The following CHST4 variants were observed in gnomAD, a reference collection of about 807,000 sequenced individuals.
CHST4 encodes GST-3.
For missense variants in CHST4, 466 were observed against 506.0 expected, an observed-to-expected ratio of 0.92 and a Z score of 0.76; for synonymous variants, 171 against 195.5, an observed-to-expected ratio of 0.87 and a Z score of 1.05.
chr16:71,529,909 A>C (rs774684743), intron 1 of CHST4, among the ~76,000 whole-genome samples: 1 of 152,178 alleles, frequency 6.6e-6, no homozygotes, highest in African/African-American at 2.4e-5. Context: ...GCACTTTGGC[A>C]GGCCGAGGCG....
chr16:71,538,110 A>G lies in CHST4; in HGVS notation c.*272A>G. 1 of 474,462 alleles carries G rather than the reference A, an allele frequency of 2.1e-6. No homozygotes were observed. Among genetic ancestry groups the G allele is most frequent in the Non-Finnish European group, 3.9e-6 (1 of 259,116 alleles). The allele number at this position is 474,462 out of a possible 1,614,324, so 29.4% of individuals were successfully genotyped here. Reference sequence around the variant, plus strand: ...TTTCTTGATCTTCCTGTCTGGGCAGACTTCAGAGACTTTGTGGCCTGGAGG... The same window carrying G: ...TTTCTTGATCTTCCTGTCTGGGCAGGCTTCAGAGACTTTGTGGCCTGGAGG... On this transcript the variant is annotated 3_prime_UTR_variant, in exon 2 of 2. Coordinates refer to ENST00000539698, the MANE Select transcript of CHST4 (RefSeq NM_001166395.2).
chr16:71,527,077 C>T (rs536829418), intron 1 of CHST4, among the ~76,000 whole-genome samples: 6 of 152,214 alleles, frequency 3.9e-5, no homozygotes, highest in Admixed American at 6.5e-5. Flanking sequence ...AATATCTAAC[C>T]GATCAGTATC....
chr16:71,526,878 G>A (rs1462777954), intron 1 of CHST4, among the ~76,000 whole-genome samples: 3 of 152,162 alleles, frequency 2.0e-5, no homozygotes, highest in African/African-American at 7.2e-5. Context: ...TGGAAGACAG[G>A]AGGTGCAAGG....
rs1403188231 is a variant in CHST4, at chr16:71,538,612, T to C, written c.*774T>C. ...CTAAGAATAGATGTAATCATCTTTA[T>C]TGGTTTTTTAAAACACCTTTGCTAT... On this transcript the variant is annotated 3_prime_UTR_variant, in exon 2 of 2. Coordinates refer to ENST00000539698, the MANE Select transcript of CHST4 (RefSeq NM_001166395.2). The C allele has an allele frequency of 1.8e-5, 3 of 166,842 alleles. No homozygotes were observed. The highest frequency in any genetic ancestry group is 1.9e-4 in the East Asian group (1 of 5,206). The allele number at this position is 166,842 out of a possible 1,614,324, so 10.3% of individuals were successfully genotyped here.
In CHST4 at chr16:71,537,299, C is replaced by G. The variant is rs778399782; in HGVS notation, c.622C>G (p.Arg208Gly). 6.2e-7 allele frequency: 1 copy of G among 1,614,176 alleles called. No homozygotes were observed. Among genetic ancestry groups the G allele is most frequent in the Admixed American group, 1.7e-5 (1 of 60,010 alleles). Residue 208 changes from arginine to glycine, a missense_variant, in exon 2 of 2, where the codon CGG becomes GGG. Physicochemically the swap from Arg to Gly is moderately radical, Grantham distance 125 (BLOSUM62 -2). Transcript: ENST00000539698. This position sits in a 1 kb window ranked among gnomAD's most constrained non-coding sequence, Gnocchi z 4.2. ...LHIVHLVRDPRAVFRSRERTK... is the reference protein window; with the variant it reads ...LHIVHLVRDPGAVFRSRERTK... ...TATCGTGCACCTGGTCCGGGACCCCCGGGCCGTGTTCCGTTCCCGAGAACG... is the reference window on the plus strand; with the variant it reads ...TATCGTGCACCTGGTCCGGGACCCCGGGGCCGTGTTCCGTTCCCGAGAACG...
At chr16:71,534,967 G>A (rs371279283) in intron 1 of CHST4, among the ~76,000 whole-genome samples, 2 of 152,304 alleles carry the variant, frequency 1.3e-5, no homozygotes, top group African/African-American at 2.4e-5. Context: ...ATGTGGGAAG[G>A]AGGTTAAAAT....
At chr16:71,530,807 G>A (rs553738822) in intron 1 of CHST4, among the ~76,000 whole-genome samples, 78 of 152,064 alleles carry the variant, frequency 5.1e-4, no homozygotes, top group South Asian at 1.2e-3. Flanking sequence ...TGGGCCAGGC[G>A]TGGTGGCTCA....
At chr16:71,529,865 G>A (rs1203014248) in intron 1 of CHST4, among the ~76,000 whole-genome samples, 1 of 152,146 alleles carries the variant, frequency 6.6e-6, no homozygotes, top group African/African-American at 2.4e-5. Context: ...TCTCAAGAGG[G>A]GGCTGGGCGC....
At position 71,537,934 on chromosome 16, in the gene CHST4, A is replaced by C; in HGVS notation, c.*96A>C. ...GCCTACATCTCTGAGCCTTAACTAC[A>C]TGTCTGTGGGTATCACACTGAGTGT... On this transcript the variant is annotated 3_prime_UTR_variant, in exon 2 of 2. Transcript: ENST00000539698. This position sits in a 1 kb window ranked among gnomAD's most constrained non-coding sequence, Gnocchi z 4.2. The C allele has an allele frequency of 3.6e-6, 4 of 1,124,438 alleles. No individual in the cohort carries two copies. Among genetic ancestry groups the C allele is most frequent in the Non-Finnish European group, 5.1e-6 (4 of 780,510 alleles). The allele number at this position is 1,124,438 out of a possible 1,614,324, so 69.7% of individuals were successfully genotyped here.
At chr16:71,528,203 T>G (rs1322901943) in intron 1 of CHST4, among the ~76,000 whole-genome samples, 1 of 141,138 alleles carries the variant, frequency 7.1e-6, no homozygotes, top group Non-Finnish European at 1.5e-5. Context: ...TGAGCTGAGA[T>G]CGTGCCACTG....
At chr16:71,526,919 G>A (rs1369910658) in intron 1 of CHST4, among the ~76,000 whole-genome samples, 3 of 152,194 alleles carry the variant, frequency 2.0e-5, no homozygotes, top group African/African-American at 7.2e-5. Context: ...TCAGGAGAGG[G>A]ACAGTGTGAT....
Position 71,537,905 on chromosome 16 carries a change from C to T in CHST4, c.*67C>T. ...GTCACTTTCTCTGAATGCTTCTGAG[C>T]CTTGCCTACATCTCTGAGCCTTAAC... On this transcript the variant is annotated 3_prime_UTR_variant, in exon 2 of 2. Coordinates refer to ENST00000539698, the MANE Select transcript of CHST4 (RefSeq NM_001166395.2). The surrounding 1 kb of genome is among the most constrained non-coding windows in gnomAD (Gnocchi z 4.2). 7.1e-7 allele frequency: 1 copy of T among 1,411,008 alleles called. No individual in the cohort carries two copies. 87.4% of individuals were successfully genotyped at this position (1,411,008 alleles called of 1,614,324 possible).
chr16:71,536,609 C>A, intron 1 of CHST4, 51 bp from the exon 2 acceptor site: 1 of 1,318,282 alleles, frequency 7.6e-7, no homozygotes, highest in Non-Finnish European at 9.8e-7. Flanking sequence ...GAATAGAAGG[C>A]AAACAATAAA....
chr16:71,527,817 C>A (rs2043919696), intron 1 of CHST4, among the ~76,000 whole-genome samples: 1 of 151,962 alleles, frequency 6.6e-6, no homozygotes, highest in South Asian at 2.1e-4. Flanking sequence ...GATCTCGGCT[C>A]ACTGCAACTG....
At chr16:71,529,429 C>A (rs192897439) in intron 1 of CHST4, among the ~76,000 whole-genome samples, 202 of 151,592 alleles carry the variant, frequency 1.3e-3, no homozygotes, top group Middle Eastern at 0.01. Flanking sequence ...GTCACTGATG[C>A]TGAAGAGTGT....
chr16:71,536,449 G>C (rs1336208307), intron 1 of CHST4: 1 of 388,988 alleles, frequency 2.6e-6, no homozygotes, highest in African/African-American at 2.1e-5. Context: ...AGGAATTAAA[G>C]ACCCTGAAGG....
intron 1 of CHST4, among the ~76,000 whole-genome samples, chr16:71,534,104 G>C (rs2145205637): frequency 6.6e-6 from 1 of 151,834 alleles, no homozygotes; most frequent in Middle Eastern, 3.5e-3. Context: ...GGGTGTGTCA[G>C]GCTGGCTGCA....
chr16:71,531,185 G>A (rs1260536828), intron 1 of CHST4, among the ~76,000 whole-genome samples: 1 of 152,220 alleles, frequency 6.6e-6, no homozygotes, highest in Non-Finnish European at 1.5e-5. Context: ...ACAAACAGCT[G>A]GGAATTCTGG....
intron 1 of CHST4, among the ~76,000 whole-genome samples, chr16:71,535,565 C>A (rs1169293374): frequency 6.6e-6 from 1 of 152,048 alleles, no homozygotes; most frequent in Non-Finnish European, 1.5e-5. Context: ...TGGGATGGCA[C>A]TCCCTAGGGT....
Sources: gnomAD v4.1 joint callset for allele counts (sites outside exome capture counted in the v4.1 genomes callset) on GRCh38, gnomAD v4.1.1 for gene constraint, Gnocchi (gnomAD v3.1) non-coding constraint, MANE v1.5 for transcripts, NCBI Gene and HGNC (gene_info 2026-07-23, HGNC 2026-07-21) for gene names.